The following ZNF804B variants were observed in gnomAD, a reference collection of about 807,000 sequenced individuals.
ZNF804B encodes zinc finger 804B.
ZNF804B carries 80 observed loss-of-function variants against 101.4 expected under a neutral mutation model. The ratio of observed to expected loss-of-function variants is 0.79; its 90% confidence interval spans 0.66 to 0.95. The LOEUF is 0.95. ZNF804B is among the 40% of genes least tolerant of loss of function. The pLI is 0.00. For missense variants in ZNF804B, 1,673 were observed against 1,561.9 expected, an observed-to-expected ratio of 1.07 and a Z score of -1.20; for synonymous variants, 622 against 558.8, an observed-to-expected ratio of 1.11 and a Z score of -1.59.
intron 1 of ZNF804B, among the ~76,000 whole-genome samples, chr7:88,774,409 T>C (rs1790113607): frequency 2.6e-5 from 4 of 152,066 alleles, no homozygotes; most frequent in Admixed American, 2.6e-4. Flanking sequence ...AGCACTAGAT[T>C]GGACCTGGTC....
chr7:88,907,317 G>T (rs1408210332), intron 1 of ZNF804B, among the ~76,000 whole-genome samples: 3 of 151,850 alleles, frequency 2.0e-5, no homozygotes, highest in African/African-American at 7.2e-5. Context: ...TAACTGGTGT[G>T]TTTTGCCCAT....
At chr7:88,853,671 G>A (rs1326124065) in intron 1 of ZNF804B, among the ~76,000 whole-genome samples, 1 of 151,922 alleles carries the variant, frequency 6.6e-6, no homozygotes, top group Non-Finnish European at 1.5e-5. Flanking sequence ...CCCAAATATT[G>A]TATAAATGTG....
chr7:88,956,100 A>T (rs1042801005), intron 1 of ZNF804B, among the ~76,000 whole-genome samples: 1 of 151,640 alleles, frequency 6.6e-6, no homozygotes, highest in East Asian at 2.0e-4. Context: ...GCTGGTGAGG[A>T]TGTGGAGAAG....
intron 1 of ZNF804B, among the ~76,000 whole-genome samples, chr7:89,185,111 A>T (rs907749228): frequency 6.6e-6 from 1 of 152,206 alleles, no homozygotes; most frequent in African/African-American, 2.4e-5. Flanking sequence ...AGCAAAATAA[A>T]GCATATTTAA....
intron 1 of ZNF804B, among the ~76,000 whole-genome samples, chr7:89,043,401 T>A (rs1481951536): frequency 6.6e-6 from 1 of 152,224 alleles, no homozygotes; most frequent in African/African-American, 2.4e-5. Context: ...CTTCATTGTC[T>A]CAAATTTTTC....
At chr7:88,780,258 G>A (rs955950898) in intron 1 of ZNF804B, among the ~76,000 whole-genome samples, 2 of 151,910 alleles carry the variant, frequency 1.3e-5, no homozygotes, top group African/African-American at 2.4e-5. Context: ...AAAAAGAAAA[G>A]TTTGGAGGTT....
chr7:88,948,306 A>ATTT (rs68069374), intron 1 of ZNF804B, among the ~76,000 whole-genome samples: 110 of 92,722 alleles, frequency 1.2e-3, no homozygotes, highest in Non-Finnish European at 1.7e-3. Flanking sequence ...CCACCCATCC[A>ATTT]TTTTTTTTTT....
At chr7:89,073,076 A>G (rs777363143) in intron 1 of ZNF804B, among the ~76,000 whole-genome samples, 2 of 152,174 alleles carry the variant, frequency 1.3e-5, no homozygotes, top group Non-Finnish European at 2.9e-5. Flanking sequence ...AATTTCAGAA[A>G]TATTTCTAGT....
intron 1 of ZNF804B, among the ~76,000 whole-genome samples, chr7:88,899,398 G>C (rs1395511913): frequency 3.3e-5 from 5 of 152,060 alleles, no homozygotes; most frequent in African/African-American, 1.2e-4. Context: ...ACAATAAATA[G>C]GTGACAAGGT....
chr7:89,000,706 C>T (rs1788272966), intron 1 of ZNF804B, among the ~76,000 whole-genome samples: 1 of 151,642 alleles, frequency 6.6e-6, no homozygotes, highest in African/African-American at 2.4e-5. Context: ...TGTTTAGATT[C>T]CACATTTAAG....
chr7:88,883,987 A>C (rs1363464316), intron 1 of ZNF804B, among the ~76,000 whole-genome samples: 1 of 152,134 alleles, frequency 6.6e-6, no homozygotes, highest in Non-Finnish European at 1.5e-5. Flanking sequence ...ACAGAAAAAG[A>C]AAATTGGATC....
intron 1 of ZNF804B, among the ~76,000 whole-genome samples, chr7:88,966,377 C>A (rs1042462279): frequency 6.6e-6 from 1 of 151,508 alleles, no homozygotes; most frequent in African/African-American, 2.4e-5. Flanking sequence ...CTAATCATAA[C>A]TGTACATCTG....
At chr7:88,966,304 T>G (rs148024570) in intron 1 of ZNF804B, among the ~76,000 whole-genome samples, 1 of 151,560 alleles carries the variant, frequency 6.6e-6, no homozygotes. Flanking sequence ...TTTGGTGAGG[T>G]GTGGAAAGAG....
At chr7:89,051,761 AG>A (rs1459468637) in intron 1 of ZNF804B, among the ~76,000 whole-genome samples, 2 of 152,130 alleles carry the variant, frequency 1.3e-5, no homozygotes, top group Non-Finnish European at 2.9e-5. Flanking sequence ...TTTGCAGTAT[AG>A]TGTCATGGTT....
chr7:88,949,483 A>C (rs556324741), intron 1 of ZNF804B, among the ~76,000 whole-genome samples: 1 of 151,924 alleles, frequency 6.6e-6, no homozygotes, highest in Non-Finnish European at 1.5e-5. Context: ...AAAATGTGGC[A>C]AAGAACTGAC....
intron 1 of ZNF804B, among the ~76,000 whole-genome samples, chr7:88,815,611 T>C (rs1370283997): frequency 6.6e-6 from 1 of 152,024 alleles, no homozygotes; most frequent in Non-Finnish European, 1.5e-5. Flanking sequence ...AGGTAGCTCC[T>C]CCTTCCCAAT....
At chr7:88,970,646 G>T (rs903752489) in intron 1 of ZNF804B, among the ~76,000 whole-genome samples, 1 of 151,262 alleles carries the variant, frequency 6.6e-6, no homozygotes, top group Non-Finnish European at 1.5e-5. Flanking sequence ...CTTGCCCACT[G>T]CCTGTTTCTG....
chr7:88,796,175 T>A (rs1030799277), intron 1 of ZNF804B, among the ~76,000 whole-genome samples: 2 of 152,028 alleles, frequency 1.3e-5, no homozygotes, highest in Admixed American at 6.6e-5. Flanking sequence ...TAAAATTGCA[T>A]CCACATGAGT....
intron 2 of ZNF804B, among the ~76,000 whole-genome samples, chr7:89,240,522 C>T (rs1338220687): frequency 6.6e-6 from 1 of 151,894 alleles, no homozygotes; most frequent in Non-Finnish European, 1.5e-5. Context: ...CTCACCTCTC[C>T]CTAAATAACC....
Sources: allele counts gnomAD v4.1 joint callset (sites outside exome capture counted in the v4.1 genomes callset), GRCh38; gene constraint gnomAD v4.1.1; transcripts MANE v1.5; gene names NCBI Gene and HGNC (gene_info 2026-07-23, HGNC 2026-07-21).